Variants in STPG2 observed in about 807,000 individuals in gnomAD.
STPG2 encodes sperm-tail PG-rich repeat-containing protein 2.
Under a neutral mutation model 54.2 loss-of-function variants are expected in STPG2, and 56 were observed. That is an observed-to-expected ratio of 1.03 (90% CI 0.83 to 1.29). The LOEUF (loss-of-function observed/expected upper bound fraction) is 1.29. Among genes scored for constraint, STPG2 ranks in the 50% most tolerant of loss-of-function variants. The probability of loss-of-function intolerance (pLI) is 0.00; values close to 1 mark genes in which losing one functional copy is unlikely to be tolerated. For missense variants in STPG2, 596 were observed against 544.9 expected, an observed-to-expected ratio of 1.09 and a Z score of -0.93; for synonymous variants, 200 against 181.8, an observed-to-expected ratio of 1.10 and a Z score of -0.81.
At chr4:97,698,308 TCTC>T (rs2148995057) in intron 10 of STPG2, among the ~76,000 whole-genome samples, 1 of 152,230 alleles carries the variant, frequency 6.6e-6, no homozygotes, top group African/African-American at 2.4e-5. Flanking sequence ...CCCTAATGGA[TCTC>T]CTGTATTCCA....
At chr4:97,891,537 A>G (rs887169402) in intron 8 of STPG2, among the ~76,000 whole-genome samples, 3 of 152,254 alleles carry the variant, frequency 2.0e-5, no homozygotes, top group Admixed American at 1.3e-4. Flanking sequence ...ATAAATAAAT[A>G]GTATGTTGTT....
intron 8 of STPG2, among the ~76,000 whole-genome samples, chr4:97,873,412 C>G (rs1318238341): frequency 6.6e-6 from 1 of 151,344 alleles, no homozygotes. Flanking sequence ...GTTTATAGTT[C>G]TTTTTTATTT....
intron 10 of STPG2, among the ~76,000 whole-genome samples, chr4:97,576,580 T>C (rs1328916569): frequency 2.6e-5 from 4 of 152,124 alleles, no homozygotes; most frequent in Admixed American, 2.6e-4. Context: ...CTACATATCA[T>C]CTAAAGAAAT....
chr4:97,615,730 A>G (rs1432178138), intron 10 of STPG2, among the ~76,000 whole-genome samples: 2 of 151,940 alleles, frequency 1.3e-5, no homozygotes, highest in Admixed American at 6.6e-5. Flanking sequence ...ATACAATGAA[A>G]AGCTGTGTAC....
At chr4:97,572,552 A>G (rs1732626532) in intron 10 of STPG2, 2 of 152,164 alleles carry the variant, frequency 1.3e-5, no homozygotes, top group Admixed American at 6.6e-5. Context: ...TTGAAAATGA[A>G]TCTTTGGTTA....
At chr4:97,705,698 GTACC>G (rs1723919744) in intron 10 of STPG2, among the ~76,000 whole-genome samples, 1 of 151,624 alleles carries the variant, frequency 6.6e-6, no homozygotes. Flanking sequence ...TATCATATTG[GTACC>G]TTTCACCTAT....
intron 4 of STPG2, among the ~76,000 whole-genome samples, chr4:97,449,678 T>C (rs1729316002): frequency 1.3e-5 from 2 of 152,242 alleles, no homozygotes. Flanking sequence ...TATAATAGGA[T>C]AGATTAAAAA....
intron 5 of STPG2, among the ~76,000 whole-genome samples, chr4:98,072,663 TC>T (rs1738042732): frequency 6.6e-6 from 1 of 152,102 alleles, no homozygotes; most frequent in Admixed American, 6.5e-5. Flanking sequence ...CTATAATGCA[TC>T]CCCAACTGTG....
chr4:97,865,943 C>A (rs1034201425), intron 8 of STPG2, among the ~76,000 whole-genome samples: 2 of 151,770 alleles, frequency 1.3e-5, no homozygotes, highest in Non-Finnish European at 2.9e-5. Flanking sequence ...TCATTTGAAA[C>A]AACATGGATG....
intron 9 of STPG2, 53 bp downstream of exon 9, chr4:97,840,720 T>C (rs142715971): frequency 8.4e-6 from 13 of 1,553,578 alleles, no homozygotes; most frequent in African/African-American, 8.3e-5. Context: ...TATTTTAATA[T>C]GGAAACCTTA....
chr4:98,046,366 G>T (rs1737128574), intron 5 of STPG2, among the ~76,000 whole-genome samples: 1 of 151,974 alleles, frequency 6.6e-6, no homozygotes, highest in Non-Finnish European at 1.5e-5. Flanking sequence ...ATTTCATTTG[G>T]AACATATTTC....
At chr4:97,895,130 A>T (rs113179462) in intron 8 of STPG2, among the ~76,000 whole-genome samples, 3 of 151,964 alleles carry the variant, frequency 2.0e-5, no homozygotes, top group African/African-American at 7.2e-5. Flanking sequence ...AGGGCCAAGC[A>T]ATTGCAATAA....
At chr4:97,878,300 T>C (rs1730249189) in intron 8 of STPG2, among the ~76,000 whole-genome samples, 1 of 152,184 alleles carries the variant, frequency 6.6e-6, no homozygotes, top group Non-Finnish European at 1.5e-5. Context: ...CACAAGACAG[T>C]GTCCCAATAG....
chr4:97,917,450 A>G (rs1731922939), intron 8 of STPG2: 2 of 152,218 alleles, frequency 1.3e-5, no homozygotes, highest in Non-Finnish European at 2.9e-5. Context: ...ATAAGAGAAC[A>G]AATTGAGAAG....
At chr4:97,727,781 T>G in intron 9 of STPG2, among the ~76,000 whole-genome samples, 1 of 151,876 alleles carries the variant, frequency 6.6e-6, no homozygotes, top group East Asian at 1.9e-4. Context: ...ATTTAAAAAT[T>G]TTTGATTTCC....
chr4:97,513,222 G>C (rs1456820177), intron 4 of STPG2, among the ~76,000 whole-genome samples: 1 of 152,182 alleles, frequency 6.6e-6, no homozygotes. Context: ...GGTAAAGAAG[G>C]GGAGAAGGGG....
chr4:98,141,803 A>G (rs1205997335), intron 1 of STPG2, among the ~76,000 whole-genome samples: 1 of 152,140 alleles, frequency 6.6e-6, no homozygotes, highest in African/African-American at 2.4e-5. Flanking sequence ...TTTCATCAAC[A>G]AGAAACATAA....
Position 98,134,398 on chromosome 4 carries a change from G to A in STPG2, c.171C>T (p.Ser57=), listed in dbSNP as rs112730155. The A allele has an allele frequency of 5.7e-5, 90 of 1,588,634 alleles. 1 individual carries two copies. Among genetic ancestry groups the A allele is most frequent in the African/African-American group, 8.1e-5 (6 of 74,002 alleles). ...CTGGACCTGGAACAGCTTTCTCAAT[G>A]CTAGAGGCAATGGTAAAAGTACTTT... The part of the protein sequence containing the change: ...ARESTFTIAS[S]IEKAVPGPGH... The change falls in exon 2 of 11, where the codon AGC becomes AGT. Residue 57 remains serine, a synonymous_variant. Coordinates refer to ENST00000295268, the MANE Select transcript of STPG2 (RefSeq NM_174952.3).
intron 7 of STPG2, among the ~76,000 whole-genome samples, chr4:97,968,744 G>A (rs1734209001): frequency 6.6e-6 from 1 of 152,206 alleles, no homozygotes; most frequent in East Asian, 1.9e-4. Flanking sequence ...CAGCCTTCAT[G>A]TGTAGGGAGA....
Sources: allele counts gnomAD v4.1 joint callset (sites outside exome capture counted in the v4.1 genomes callset), GRCh38; gene constraint gnomAD v4.1.1; transcripts MANE v1.5; gene names NCBI Gene and HGNC (gene_info 2026-07-23, HGNC 2026-07-21).